The following CFAP20DC variants were observed in gnomAD, a reference collection of about 807,000 sequenced individuals.
CFAP20DC encodes the protein protein CFAP20DC.
In CFAP20DC, 84 loss-of-function variants were observed where a neutral mutation model predicts 101.7. The observed-to-expected ratio is 0.83, with a 90% CI of 0.69 to 0.99. The LOEUF (loss-of-function observed/expected upper bound fraction) is 0.99, where lower values mean the gene tolerates loss of function less well. CFAP20DC is among the 50% of genes least tolerant of loss of function. CFAP20DC has a pLI of 0.00. For synonymous variants in CFAP20DC, 359 were observed against 351.2 expected, an observed-to-expected ratio of 1.02 and a Z score of -0.25; for missense variants, 1,007 against 970.3, an observed-to-expected ratio of 1.04 and a Z score of -0.50.
chr3:58,768,344 G>A (rs2070519216), intron 15 of CFAP20DC, among the ~76,000 whole-genome samples: 1 of 152,180 alleles, frequency 6.6e-6, no homozygotes, highest in African/African-American at 2.4e-5. Flanking sequence ...GGATTCTAGG[G>A]GAATGAAACA....
rs1575520303 is a variant in CFAP20DC at position 58,734,238 on chromosome 3, C to G, written c.198-16610G>C. ...CCTCTCAGCCATGCTTCCTGTACAG[C>G]CTGCAGAACGGTGAGTTAATTAAAT... On this transcript the variant is annotated intron_variant, in intron 3 of 3. Transcript: ENST00000486145. 2.0e-5 allele frequency among the ~76,000 whole-genome samples: 3 copies of G among 152,184 alleles called. No individual in the cohort carries two copies. The East Asian group carries it at 5.8e-4, about 29-fold the overall frequency.
rs780876082 is a variant in CFAP20DC, at chr3:58,897,284, A to G, written c.551-12575T>C. 1.3e-5 allele frequency among the ~76,000 whole-genome samples: 2 copies of G among 152,116 alleles called. No individual in the cohort carries two copies. The highest frequency in any genetic ancestry group is 2.9e-5 in the Non-Finnish European group (2 of 68,014). ...TAAGCCTATGTGTGTGTCTTTGCAC[A>G]TGAGATGGCAGCATACCATGAATCT... On this transcript the variant is annotated intron_variant, in intron 6 of 16. Coordinates refer to ENST00000482387, the MANE Select transcript of CFAP20DC (RefSeq NM_001394063.1). This position sits in a 1 kb window ranked among gnomAD's most constrained non-coding sequence, Gnocchi z 4.4.
chr3:58,751,469 G>A (rs977235916), intron 16 of CFAP20DC, among the ~76,000 whole-genome samples: 1 of 152,064 alleles, frequency 6.6e-6, no homozygotes, highest in African/African-American at 2.4e-5. Flanking sequence ...GGTCAACTGC[G>A]GCTCCCTGTC....
chr3:58,860,274 C>T (rs1053110560), intron 12 of CFAP20DC, among the ~76,000 whole-genome samples: 1 of 149,286 alleles, frequency 6.7e-6, no homozygotes, highest in African/African-American at 2.5e-5. Context: ...TATATGCTAA[C>T]AAAAAGTATT....
At chr3:58,901,936 T>C (rs959705511) in intron 6 of CFAP20DC, among the ~76,000 whole-genome samples, 1 of 152,162 alleles carries the variant, frequency 6.6e-6, no homozygotes, top group African/African-American at 2.4e-5. Context: ...AAGTCTCCAG[T>C]CCCTGGCAGC....
In CFAP20DC at chr3:58,742,431, G is replaced by A. The variant is rs377253301; in HGVS notation, c.*29C>T. 88 of 1,572,006 alleles carry A rather than the reference G, an allele frequency of 5.6e-5. No individual in the cohort carries two copies. The Middle Eastern group carries it at 1.2e-3, about 21-fold the overall frequency. On this transcript the variant is annotated 3_prime_UTR_variant, in exon 17 of 17. Transcript: ENST00000482387. The stretch of plus-strand genomic sequence containing the variant: ...AACTGCTATTCTGCTCCAGCTGGGA[G>A]TGCCTGCTCTCTGCCCCGGAAGGAG...
rs1413915672 is a variant in CFAP20DC, at chr3:59,001,186, A to G, written c.278+38371T>C. ...CCTAAGAGATTTAAATCAATGGTAAAATAACACACATTGTAAATTATAATT... is the reference window on the plus strand; with the variant it reads ...CCTAAGAGATTTAAATCAATGGTAAGATAACACACATTGTAAATTATAATT... On this transcript the variant is annotated intron_variant, in intron 4 of 16. Coordinates refer to ENST00000482387, the MANE Select transcript of CFAP20DC (RefSeq NM_001394063.1). This position sits in a 1 kb window ranked among gnomAD's most constrained non-coding sequence, Gnocchi z 4.5. Among the ~76,000 whole-genome samples, 1 of 152,152 alleles carries G rather than the reference A, an allele frequency of 6.6e-6. No individual in the cohort carries two copies. Among genetic ancestry groups the G allele is most frequent in the African/African-American group, 2.4e-5 (1 of 41,426 alleles).
chr3:58,799,462 C>T lies in CFAP20DC; in HGVS notation c.2237+6933G>A, dbSNP rs1307187781. ...CTTAAGGTAGAGAAGTATACAGGTGCTCATGGGCTCCAGCTAGTGGAATAC... is the reference window on the plus strand; with the variant it reads ...CTTAAGGTAGAGAAGTATACAGGTGTTCATGGGCTCCAGCTAGTGGAATAC... On this transcript the variant is annotated intron_variant, in intron 15 of 16. Coordinates refer to ENST00000482387, the MANE Select transcript of CFAP20DC (RefSeq NM_001394063.1). This position sits in a 1 kb window ranked among gnomAD's most constrained non-coding sequence, Gnocchi z 4.9. 5.3e-5 allele frequency among the ~76,000 whole-genome samples: 8 copies of T among 152,120 alleles called. No individual in the cohort carries two copies. Among genetic ancestry groups the T allele is most frequent in the Non-Finnish European group, 1.2e-4 (8 of 68,020 alleles).
intron 15 of CFAP20DC, among the ~76,000 whole-genome samples, chr3:58,775,301 A>G (rs913017951): frequency 6.6e-6 from 1 of 152,206 alleles, no homozygotes; most frequent in African/African-American, 2.4e-5. Context: ...GTAGACAATC[A>G]GAATATGCAT....
chr3:58,794,162 A>G (rs2073061230), intron 15 of CFAP20DC: 1 of 314,670 alleles, frequency 3.2e-6, no homozygotes, highest in Non-Finnish European at 6.5e-6. Flanking sequence ...AAAAGTCAAA[A>G]GCAAATAAGT....
intron 4 of CFAP20DC, among the ~76,000 whole-genome samples, chr3:59,032,871 A>G (rs1469246760): frequency 6.6e-6 from 1 of 152,122 alleles, no homozygotes; most frequent in African/African-American, 2.4e-5. Context: ...TGCCTCCTCA[A>G]GTGGGTCCCT....
intron 4 of CFAP20DC, among the ~76,000 whole-genome samples, chr3:59,008,727 GGA>G (rs1480829656): frequency 6.6e-6 from 1 of 152,004 alleles, no homozygotes; most frequent in Non-Finnish European, 1.5e-5. Context: ...GGAGGAGGGG[GGA>G]GGGATAGCAT....
chr3:58,811,388 A>G (rs2074617085), intron 14 of CFAP20DC, among the ~76,000 whole-genome samples: 1 of 152,098 alleles, frequency 6.6e-6, no homozygotes, highest in South Asian at 2.1e-4. Context: ...CAGAGCCCTC[A>G]GAAATAACGC....
chr3:58,772,792 A>C (rs944850988), intron 15 of CFAP20DC, among the ~76,000 whole-genome samples: 7 of 152,294 alleles, frequency 4.6e-5, no homozygotes, highest in Non-Finnish European at 1.0e-4. Context: ...AAATCCAAAA[A>C]ATTTAAAAAA....
chr3:58,985,357 T>C (rs888136757), intron 4 of CFAP20DC, among the ~76,000 whole-genome samples: 1 of 152,160 alleles, frequency 6.6e-6, no homozygotes, highest in Non-Finnish European at 1.5e-5. Flanking sequence ...TCAATATCCA[T>C]CATCCCTGGC....
At chr3:58,731,618 A>G (rs527380672) in intron 3 of CFAP20DC, among the ~76,000 whole-genome samples, 1 of 152,362 alleles carries the variant, frequency 6.6e-6, no homozygotes, top group Non-Finnish European at 1.5e-5. Context: ...TTCATAGGTA[A>G]TAAGAAGAAT....
In CFAP20DC at chr3:58,782,120, A is replaced by T. The variant is rs540019673; in HGVS notation, c.2237+24275T>A. ...ATCCTAGGGATGCAAGGATCAACCT[A>T]TGCAAATCAGTAAATGTGATACATC... On this transcript the variant is annotated intron_variant, in intron 15 of 16. Coordinates refer to ENST00000482387, the MANE Select transcript of CFAP20DC (RefSeq NM_001394063.1). Among the ~76,000 whole-genome samples, 39 of 152,216 alleles carry T rather than the reference A, an allele frequency of 2.6e-4. No homozygotes were observed. The South Asian group carries it at 8.1e-3, about 32-fold the overall frequency.
At chr3:59,032,286 C>T (rs948584511) in intron 4 of CFAP20DC, among the ~76,000 whole-genome samples, 10 of 152,132 alleles carry the variant, frequency 6.6e-5, no homozygotes, top group Non-Finnish European at 1.5e-4. Context: ...GGGCAAACAC[C>T]GAGATAGCTG....
intron 4 of CFAP20DC, among the ~76,000 whole-genome samples, chr3:59,022,459 G>A (rs2093819986): frequency 6.6e-6 from 1 of 152,006 alleles, no homozygotes; most frequent in African/African-American, 2.4e-5. Context: ...TAAATACAGT[G>A]AATTTGTATA....
Sources: gnomAD v4.1 joint callset for allele counts (sites outside exome capture counted in the v4.1 genomes callset) on GRCh38, gnomAD v4.1.1 for gene constraint, Gnocchi (gnomAD v3.1) non-coding constraint, MANE v1.5 for transcripts, NCBI Gene and HGNC (gene_info 2026-07-23, HGNC 2026-07-21) for gene names.